GET4: variants seen among roughly 807,000 people sequenced by gnomAD.
GET4 encodes Golgi to ER traffic protein 4 homolog.
Under a neutral mutation model 40.0 loss-of-function variants are expected in GET4, and 20 were observed. The observed-to-expected ratio is 0.50, with a 90% CI of 0.35 to 0.73. GET4 has a LOEUF of 0.73. GET4 is among the 30% of genes least tolerant of loss of function. The pLI, the probability that GET4 is intolerant of heterozygous loss-of-function variation, is 0.01. For synonymous variants in GET4, 280 were observed against 194.6 expected (o/e 1.44, Z -3.65); for missense variants, 557 against 454.0 (o/e 1.23, Z -2.06).
rs1844475539 is a variant in GET4, at chr7:895,915, C to G, written c.*493C>G. On this transcript the variant is annotated 3_prime_UTR_variant, in exon 9 of 9. Coordinates refer to ENST00000265857, the MANE Select transcript of GET4 (RefSeq NM_015949.3). ...TTTGAACACGGGGTCATTCTGCAGT[C>G]AGGACGAACCGGTCCCCGTCGCAGA... 1 of 152,424 alleles carries G rather than the reference C, an allele frequency of 6.6e-6. No homozygotes were observed. Among genetic ancestry groups the G allele is most frequent in the Admixed American group, 6.5e-5 (1 of 15,298 alleles). The allele number at this position is 152,424 out of a possible 1,614,324, so 9.4% of individuals were successfully genotyped here.
intron 4 of GET4, among the ~76,000 whole-genome samples, chr7:889,601 A>G (rs1399249006): frequency 2.0e-5 from 3 of 151,970 alleles, no homozygotes; most frequent in African/African-American, 4.8e-5. Flanking sequence ...GATCTGCACC[A>G]CGAGAAGGGC....
At chr7:887,572 T>C in intron 4 of GET4, 53 bp downstream of exon 4, 3 of 1,390,774 alleles carry the variant, frequency 2.2e-6, no homozygotes, top group Non-Finnish European at 2.9e-6. Flanking sequence ...CGGCGTTGAT[T>C]TGCACTGTGC....
intron 1 of GET4, chr7:882,672 C>T (rs960117169): frequency 2.6e-5 from 4 of 152,426 alleles, no homozygotes; most frequent in Admixed American, 6.5e-5. Context: ...GGGTTGTGGG[C>T]GGCCGACCTT....
At position 895,398 on chromosome 7, in the gene GET4, C is replaced by T. The variant is rs142529234; in HGVS notation, c.960C>T (p.Asp320=). 96 of 1,590,070 alleles carry T rather than the reference C, an allele frequency of 6.0e-5. 1 individual carries two copies. Among genetic ancestry groups the T allele is most frequent in the Admixed American group, 1.2e-4 (7 of 59,728 alleles). The change falls in exon 9 of 9, where the codon GAC becomes GAT. Residue 320 remains aspartate (D), a synonymous_variant. Coordinates refer to ENST00000265857, the MANE Select transcript of GET4 (RefSeq NM_015949.3). ...EQEDGEESPS[D]GSPIELD ...AGGATGGGGAGGAGAGCCCCAGCGACGGCAGCCCCATCGAGCTGGACTGAA... is the reference window on the plus strand; with the variant it reads ...AGGATGGGGAGGAGAGCCCCAGCGATGGCAGCCCCATCGAGCTGGACTGAA...
At chr7:883,174 CCTCCTTA>C (rs1256167092) in intron 1 of GET4, 24 of 152,258 alleles carry the variant, frequency 1.6e-4, no homozygotes, top group Admixed American at 1.6e-3. Context: ...AGGCCTCAGC[CCTCCTTA>C]CAGGCGCGTC....
rs367686493 is a variant in GET4, at chr7:893,855, G to C, written c.822+40G>C. On this transcript the variant is annotated intron_variant, in intron 7 of 8. Transcript: ENST00000265857. ...CTGGGGAGGGAGGAGGGGACCCCACGGTCTGGGTCCACCCCCTCTGAGCCC... is the reference window on the plus strand; with the variant it reads ...CTGGGGAGGGAGGAGGGGACCCCACCGTCTGGGTCCACCCCCTCTGAGCCC... The C allele has an allele frequency of 5.6e-6, 9 of 1,604,370 alleles. No homozygotes were observed. The South Asian group carries it at 6.6e-5, about 12-fold the overall frequency.
intron 4 of GET4, 61 bp downstream of exon 4, chr7:887,580 T>C (rs1439748659): frequency 3.1e-6 from 4 of 1,295,496 alleles, no homozygotes; most frequent in Non-Finnish European, 3.1e-6. Flanking sequence ...ATTTGCACTG[T>C]GCGTTCCAAT....
Position 886,101 on chromosome 7 carries a change from C to T in GET4, c.201C>T (p.Tyr67=), listed in dbSNP as rs767499737. The change falls in exon 2 of 9, where the codon TAC becomes TAT. Residue 67 remains tyrosine (Y), a synonymous_variant. Coordinates refer to ENST00000265857, the MANE Select transcript of GET4 (RefSeq NM_015949.3). ...ACACGGAGGCCCGGGAGCTCATGTACTCGGGAGCCCTGCTCTTCTTCAGCC... is the reference window on the plus strand; with the variant it reads ...ACACGGAGGCCCGGGAGCTCATGTATTCGGGAGCCCTGCTCTTCTTCAGCC... ...SKHTEARELM[Y]SGALLFFSHG... is the part of the protein sequence containing the mutation. 17 of 1,609,742 alleles carry T rather than the reference C, an allele frequency of 1.1e-5. No individual in the cohort carries two copies. The highest frequency in any genetic ancestry group is 1.3e-5 in the African/African-American group (1 of 74,850).
intron 4 of GET4, 61 bp from the exon 5 acceptor site, chr7:890,867 C>T (rs1273120865): frequency 6.0e-6 from 8 of 1,332,894 alleles, no homozygotes; most frequent in African/African-American, 1.4e-5. Context: ...GTCTTTCCCC[C>T]TTTCCTTTTC....
intron 5 of GET4, among the ~76,000 whole-genome samples, chr7:891,288 G>A (rs1286997672): frequency 6.6e-6 from 1 of 152,222 alleles, no homozygotes; most frequent in East Asian, 1.9e-4. Context: ...GACGGGCACT[G>A]GAGTGCCCTA....
chr7:884,872 C>G (rs1277033179), intron 1 of GET4: 2 of 153,560 alleles, frequency 1.3e-5, no homozygotes, highest in Admixed American at 1.3e-4. Context: ...GCCTTGACTA[C>G]CCGGACTCAA....
At chr7:881,528 G>GT (rs1296806644) in intron 1 of GET4, 2 of 152,224 alleles carry the variant, frequency 1.3e-5, no homozygotes, top group Non-Finnish European at 2.9e-5. Context: ...TCGCTGAGTG[G>GT]TTTTCCCTGT....
intron 1 of GET4, chr7:879,784 A>G (rs1844046895): frequency 6.6e-6 from 1 of 152,258 alleles, no homozygotes; most frequent in African/African-American, 2.4e-5. Context: ...TCTTTGATGC[A>G]TGACGTTTAT....
Position 895,796 on chromosome 7 carries a change from G to A in GET4, c.*374G>A, listed in dbSNP as rs909030669. 8.1e-5 allele frequency: 13 copies of A among 160,756 alleles called. No homozygotes were observed. Among genetic ancestry groups the A allele is most frequent in the Non-Finnish European group, 1.4e-4 (10 of 73,788 alleles). 10.0% of individuals were successfully genotyped at this position (160,756 alleles called of 1,614,324 possible). ...GCGCACATCACGCTCCTTGCCGGGCGTCCGGCACAGCTGCGGTCACCAAAG... is the reference window on the plus strand; with the variant it reads ...GCGCACATCACGCTCCTTGCCGGGCATCCGGCACAGCTGCGGTCACCAAAG... On this transcript the variant is annotated 3_prime_UTR_variant, in exon 9 of 9. Transcript: ENST00000265857.
chr7:885,777 A>G, intron 1 of GET4: 1 of 423,212 alleles, frequency 2.4e-6, no homozygotes, highest in Non-Finnish European at 4.3e-6. Context: ...CAGCTACTGA[A>G]ACCGGTGAGC....
In GET4 at chr7:896,311, G is replaced by A. The variant is rs914625451; in HGVS notation, c.*889G>A. The A allele has an allele frequency of 2.0e-5, 3 of 152,230 alleles. No individual in the cohort carries two copies. Among genetic ancestry groups the A allele is most frequent in the Non-Finnish European group, 4.4e-5 (3 of 68,044 alleles). The allele number at this position is 152,230 out of a possible 1,614,324, so 9.4% of individuals were successfully genotyped here. On this transcript the variant is annotated 3_prime_UTR_variant, in exon 9 of 9. Coordinates refer to ENST00000265857, the MANE Select transcript of GET4 (RefSeq NM_015949.3). ...ACGCTCTATTTTTTCACAGTTAAAT[G>A]ACAGTTGTAGATTGATACGCAGTTG... is the stretch of plus-strand genomic sequence containing the variant.
Position 886,284 on chromosome 7 carries a change from C to A in GET4, c.234+150C>A. On this transcript the variant is annotated intron_variant, in intron 2 of 8. Transcript: ENST00000265857. ...TGGGTGGCAGAGGGGCCCAGAGTCC[C>A]CCCTGGCTTGGCTGCTCCACTCTCA... The A allele has an allele frequency of 6.3e-6, 4 of 630,696 alleles. 1 individual carries two copies. In the South Asian group the frequency reaches 7.4e-5, roughly 12 times the overall value. 39.1% of individuals were successfully genotyped at this position (630,696 alleles called of 1,614,324 possible).
intron 1 of GET4, chr7:884,693 C>T: frequency 5.7e-6 from 1 of 174,954 alleles, no homozygotes; most frequent in Non-Finnish European, 1.2e-5. Context: ...CCTTTGCGTT[C>T]TCGGCTGGCC....
In GET4 at chr7:895,183, G is replaced by A. The variant is rs184500818; in HGVS notation, c.896-151G>A. ...CCTGGCCTCCAGAGTGTCCTGTCCC[G>A]GGGTTCCTGGGTCGTAGACAGTAGC... On this transcript the variant is annotated intron_variant, in intron 8 of 8. Transcript: ENST00000265857. The A allele has an allele frequency of 1.6e-3, 759 of 471,784 alleles. 10 individuals are homozygous for A. Among genetic ancestry groups the A allele is most frequent in the African/African-American group, 1.2e-4 (6 of 49,970 alleles). 29.2% of individuals were successfully genotyped at this position (471,784 alleles called of 1,614,324 possible).
Sources: gnomAD v4.1 joint callset for allele counts (sites outside exome capture counted in the v4.1 genomes callset) on GRCh38, gnomAD v4.1.1 for gene constraint, MANE v1.5 for transcripts, NCBI Gene and HGNC (gene_info 2026-07-23, HGNC 2026-07-21) for gene names.